The following FAH variants were observed in gnomAD, a reference collection of about 807,000 sequenced individuals.
FAH encodes the protein fumarylacetoacetase.
Under a neutral mutation model 55.8 loss-of-function variants are expected in FAH, and 47 were observed. The observed-to-expected ratio is 0.84, with a 90% confidence interval of 0.67 to 1.07. The LOEUF (loss-of-function observed/expected upper bound fraction) is 1.07, where lower values mean the gene tolerates loss of function less well. Among genes scored for constraint, FAH ranks in the 50% least tolerant of loss-of-function variants. The pLI, the probability that FAH is intolerant of heterozygous loss-of-function variation, is 0.00. For synonymous variants in FAH, 199 were observed against 207.7 expected (o/e 0.96, Z 0.36); for missense variants, 495 against 545.9 (o/e 0.91, Z 0.93).
intron 4 of FAH, among the ~76,000 whole-genome samples, chr15:80,160,707 A>G (rs1479192139): frequency 6.6e-6 from 1 of 152,160 alleles, no homozygotes; most frequent in Non-Finnish European, 1.5e-5. Flanking sequence ...GACTAGCCGC[A>G]TGGCTCCCTG....
intron 13 of FAH, among the ~76,000 whole-genome samples, chr15:80,182,959 C>G (rs1361174722): frequency 6.6e-6 from 1 of 152,210 alleles, no homozygotes; most frequent in Non-Finnish European, 1.5e-5. Flanking sequence ...GGGCCCCTGA[C>G]TAAGCCATGC....
At chr15:80,185,403 A>C (rs1315680030) in intron 13 of FAH, among the ~76,000 whole-genome samples, 1 of 152,222 alleles carries the variant, frequency 6.6e-6, no homozygotes, top group Non-Finnish European at 1.5e-5. Context: ...TACAGAGCCA[A>C]TAAGTAGAGG....
At chr15:80,152,857 A>C, upstream of FAH, 1 of 443,000 alleles carries the variant, frequency 2.3e-6, no homozygotes, top group Non-Finnish European at 3.8e-6. Flanking sequence ...GGGGAGGGGC[A>C]GGGCTCGGGG....
At chr15:80,166,232 T>G (rs2041190567) in intron 5 of FAH, 1 of 152,046 alleles carries the variant, frequency 6.6e-6, no homozygotes, top group Non-Finnish European at 1.5e-5. Context: ...GAAGCCATCC[T>G]CCTGCCTCAG....
At chr15:80,182,412 G>A (rs2041339089) in intron 13 of FAH, among the ~76,000 whole-genome samples, 1 of 152,196 alleles carries the variant, frequency 6.6e-6, no homozygotes. Context: ...TGCCCAGTGT[G>A]GCTGTTGGTT....
At chr15:80,152,939 G>T, upstream of FAH, 1 of 874,692 alleles carries the variant, frequency 1.1e-6, no homozygotes, top group South Asian at 1.4e-5. Flanking sequence ...TGTGTCACCC[G>T]GACAGGCCGT....
chr15:80,164,174 TA>T (rs1480872207), intron 5 of FAH, among the ~76,000 whole-genome samples: 2 of 152,366 alleles, frequency 1.3e-5, no homozygotes, highest in Non-Finnish European at 2.9e-5. Context: ...TCTCACTGGC[TA>T]AAGTCAAGGT....
chr15:80,154,434 C>T (rs2041080884), intron 1 of FAH, among the ~76,000 whole-genome samples: 1 of 152,224 alleles, frequency 6.6e-6, no homozygotes, highest in Non-Finnish European at 1.5e-5. Flanking sequence ...GCTGTTTCAA[C>T]ATCAGAATGT....
At position 80,172,148 on chromosome 15, in the gene FAH, G is replaced by C. The variant is rs771712041; in HGVS notation, c.607-1G>C. 6.2e-7 allele frequency: 1 copy of C among 1,612,984 alleles called. No individual in the cohort carries two copies. The highest frequency in any genetic ancestry group is 8.5e-7 in the Non-Finnish European group (1 of 1,179,042). On this transcript the variant is annotated splice_acceptor_variant, in intron 7 of 13. Transcript: ENST00000561421. LOFTEE classifies it high-confidence loss of function. Reference sequence around the variant, plus strand: ...TTCTAATGAACTCTCCCCCATGTAAGGCTTTTTTTGTAGGCCCTGGAAACA... The same window carrying C: ...TTCTAATGAACTCTCCCCCATGTAACGCTTTTTTTGTAGGCCCTGGAAACA...
chr15:80,184,231 T>C (rs1381192815), intron 13 of FAH, among the ~76,000 whole-genome samples: 6 of 152,226 alleles, frequency 3.9e-5, no homozygotes, highest in Admixed American at 3.9e-4. Context: ...TTGATAGTTA[T>C]GATTTGTTGT....
chr15:80,161,732 A>G (rs2041151088), intron 4 of FAH, among the ~76,000 whole-genome samples: 1 of 152,162 alleles, frequency 6.6e-6, no homozygotes, highest in Non-Finnish European at 1.5e-5. Flanking sequence ...ACATAACTGG[A>G]GCACCAGTGG....
At chr15:80,152,868 T>A (rs1222422857), upstream of FAH, 3 of 529,166 alleles carry the variant, frequency 5.7e-6, no homozygotes, top group Non-Finnish European at 9.9e-6. Flanking sequence ...GGGCTCGGGG[T>A]TCGGGGGCGG....
In FAH at chr15:80,161,774, G is replaced by A. The variant is rs546140757; in HGVS notation, c.365-472G>A. Among the ~76,000 whole-genome samples, 4 of 152,362 alleles carry A rather than the reference G, an allele frequency of 2.6e-5. No individual in the cohort carries two copies. In the South Asian group the frequency reaches 8.3e-4, roughly 32 times the overall value. ...AAGCCTGCCCCAGAAGGATTCAGGG[G>A]AGGGGATTTGGAGGGGGAAGAGATC... On this transcript the variant is annotated intron_variant, in intron 4 of 13. Coordinates refer to ENST00000561421, the MANE Select transcript of FAH (RefSeq NM_000137.4).
chr15:80,169,057 T>C (rs2041219257), intron 7 of FAH, among the ~76,000 whole-genome samples: 1 of 152,206 alleles, frequency 6.6e-6, no homozygotes, highest in Non-Finnish European at 1.5e-5. Context: ...ATTCTATATT[T>C]GCTAATTCTG....
intron 1 of FAH, among the ~76,000 whole-genome samples, chr15:80,155,225 G>A (rs534888327): frequency 6.6e-6 from 1 of 152,284 alleles, no homozygotes; most frequent in Admixed American, 6.5e-5. Flanking sequence ...TTTGCTTCTG[G>A]AGAGAAGGAA....
chr15:80,154,061 G>C (rs890271078), intron 1 of FAH, among the ~76,000 whole-genome samples: 1 of 152,132 alleles, frequency 6.6e-6, no homozygotes, highest in African/African-American at 2.4e-5. Flanking sequence ...GCCTGTCTGC[G>C]GTAAGTGCTT....
intron 10 of FAH, among the ~76,000 whole-genome samples, chr15:80,175,908 G>A (rs2041279631): frequency 6.6e-6 from 1 of 152,208 alleles, no homozygotes; most frequent in Admixed American, 6.5e-5. Context: ...AATCCCAACG[G>A]GGGCCCTCGG....
In FAH at chr15:80,172,918, C is replaced by T. The variant is rs149600566; in HGVS notation, c.707-96C>T. On this transcript the variant is annotated intron_variant, in intron 8 of 13. Transcript: ENST00000561421. Reference sequence around the variant, plus strand: ...GCTGATCTTTGTGGAGATGGCAGTGCTAGGTGTCTCTGCTCCTTGGTCAAG... The same window carrying T: ...GCTGATCTTTGTGGAGATGGCAGTGTTAGGTGTCTCTGCTCCTTGGTCAAG... The T allele has an allele frequency of 5.4e-5, 82 of 1,523,200 alleles. 1 individual carries two copies. The African/African-American group carries it at 9.6e-4, about 18-fold the overall frequency. 94.4% of individuals were successfully genotyped at this position (1,523,200 alleles called of 1,614,324 possible).
At chr15:80,161,526 A>T (rs2041148703) in intron 4 of FAH, among the ~76,000 whole-genome samples, 1 of 151,848 alleles carries the variant, frequency 6.6e-6, no homozygotes, top group Non-Finnish European at 1.5e-5. Flanking sequence ...TTTTTCTTTC[A>T]GATTTTTAAT....
Sources: allele counts gnomAD v4.1 joint callset (sites outside exome capture counted in the v4.1 genomes callset), GRCh38; gene constraint gnomAD v4.1.1; transcripts MANE v1.5; gene names NCBI Gene and HGNC (gene_info 2026-07-23, HGNC 2026-07-21).